NRXN3: variants seen among roughly 807,000 people sequenced by gnomAD.
The protein encoded by NRXN3 is neurexin III.
NRXN3 carries 32 observed loss-of-function variants against 137.6 expected under a neutral mutation model. The ratio of observed to expected loss-of-function variants is 0.23; its 90% CI spans 0.18 to 0.31. NRXN3 has a LOEUF of 0.31. Among genes scored for constraint, NRXN3 ranks in the 10% least tolerant of loss-of-function variants. The pLI is 1.00. For missense variants in NRXN3, 1,574 were observed against 2,062.5 expected (o/e 0.76, Z 4.59); for synonymous variants, 798 against 784.5 (o/e 1.02, Z -0.29).
rs375665745 is a variant in NRXN3, at chr14:79,769,672, C to A, written c.4015-35440C>A. On this transcript the variant is annotated intron_variant, in intron 19 of 20. Coordinates refer to ENST00000335750, the MANE Select transcript of NRXN3 (RefSeq NM_001330195.2). ...CGATACCAGCCGCTGCAAAATCATG[C>A]CAAAAGGTAAAGACCATCGAGACTA... 1.1e-3 allele frequency among the ~76,000 whole-genome samples: 166 copies of A among 151,976 alleles called. 6 individuals carry two copies. The South Asian group carries it at 0.034, about 31-fold the overall frequency.
intron 16 of NRXN3, among the ~76,000 whole-genome samples, chr14:79,582,237 G>A (rs2097723269): frequency 6.6e-6 from 1 of 151,110 alleles, no homozygotes; most frequent in Non-Finnish European, 1.5e-5. Context: ...GAGCAACCAT[G>A]CCCAGCTGAG....
intron 10 of NRXN3, among the ~76,000 whole-genome samples, chr14:78,955,534 T>C (rs1288357623): frequency 6.6e-6 from 1 of 152,236 alleles, no homozygotes; most frequent in Non-Finnish European, 1.5e-5. Flanking sequence ...ATTGCTCTCA[T>C]GGCATCACTA....
chr14:79,375,436 T>C (rs1240331101), intron 15 of NRXN3, among the ~76,000 whole-genome samples: 1 of 152,008 alleles, frequency 6.6e-6, no homozygotes, highest in African/African-American at 2.4e-5. Context: ...TCTGGGGCAC[T>C]CCTGCTGAAG....
chr14:78,959,150 G>GGT (rs3838665), intron 11 of NRXN3, among the ~76,000 whole-genome samples: 216 of 152,054 alleles, frequency 1.4e-3, no homozygotes, highest in Non-Finnish European at 2.0e-3. Flanking sequence ...TGCATGTACA[G>GGT]GTGTGTGTGT....
chr14:78,506,945 T>C (rs1186924438), intron 4 of NRXN3, among the ~76,000 whole-genome samples: 2 of 152,218 alleles, frequency 1.3e-5, no homozygotes, highest in African/African-American at 4.8e-5. Context: ...TTCACCTCCT[T>C]TGCCCATTTC....
chr14:79,347,261 TTAAA>T (rs2153379893), intron 15 of NRXN3, among the ~76,000 whole-genome samples: 1 of 152,210 alleles, frequency 6.6e-6, no homozygotes, highest in East Asian at 1.9e-4. Flanking sequence ...TTTTTAAAAA[TTAAA>T]TAAAAACTAG....
Position 79,861,148 on chromosome 14 carries a change from C to T in NRXN3, c.4094-194C>T. ...CCCCTACCTTTCGCCCCCTCCTCAC[C>T]ATTATTGAGACCACCAAAGATTCCC... On this transcript the variant is annotated intron_variant, in intron 20 of 20. Coordinates refer to ENST00000335750, the MANE Select transcript of NRXN3 (RefSeq NM_001330195.2). The surrounding 1 kb of genome is among the most constrained non-coding windows in gnomAD (Gnocchi z 5.4). 1 of 1,514,256 alleles carries T rather than the reference C, an allele frequency of 6.6e-7. No homozygotes were observed. The highest frequency in any genetic ancestry group is 8.8e-7 in the Non-Finnish European group (1 of 1,136,562). The allele number at this position is 1,514,256 out of a possible 1,614,324, so 93.8% of individuals were successfully genotyped here. A position where few individuals can be genotyped will look rare whatever the true frequency, so the allele number is the denominator to read the frequency against.
At chr14:78,282,682 C>G (rs66555338) in intron 3 of NRXN3, among the ~76,000 whole-genome samples, 2 of 152,182 alleles carry the variant, frequency 1.3e-5, no homozygotes, top group African/African-American at 4.8e-5. Flanking sequence ...TTCCCCTACC[C>G]GCTCTTGATC....
chr14:78,717,899 A>G (rs923389190), intron 8 of NRXN3, among the ~76,000 whole-genome samples: 1 of 152,214 alleles, frequency 6.6e-6, no homozygotes, highest in Non-Finnish European at 1.5e-5. Context: ...TAGGACAAAC[A>G]GGCAAGAATG....
intron 4 of NRXN3, among the ~76,000 whole-genome samples, chr14:78,305,843 G>GT (rs2077319406): frequency 6.6e-6 from 1 of 152,002 alleles, no homozygotes; most frequent in African/African-American, 2.4e-5. Flanking sequence ...AAATCGCTTT[G>GT]TTTTTTCAAG....
At chr14:78,784,064 G>GAAAAAAAAAAAAAAAAAAAAAACAA (rs11288913) in intron 8 of NRXN3, among the ~76,000 whole-genome samples, 1 of 98,306 alleles carries the variant, frequency 1.0e-5, no homozygotes. Flanking sequence ...TAACACATGA[G>GAAAAAAAAAAAAAAAAAAAAAACAA]AAAAAAAAAA....
intron 9 of NRXN3, among the ~76,000 whole-genome samples, chr14:78,809,967 A>AT (rs1409621203): frequency 6.6e-6 from 1 of 152,030 alleles, no homozygotes; most frequent in Admixed American, 6.6e-5. Flanking sequence ...GTTTGACAAA[A>AT]TTAATATTTC....
At chr14:78,334,008 T>C (rs2081158022) in intron 4 of NRXN3, among the ~76,000 whole-genome samples, 1 of 151,996 alleles carries the variant, frequency 6.6e-6, no homozygotes, top group Non-Finnish European at 1.5e-5. Flanking sequence ...TGCTGCTGGA[T>C]TGAATATGGG....
chr14:78,367,628 C>T (rs964232275), intron 4 of NRXN3, among the ~76,000 whole-genome samples: 1 of 152,176 alleles, frequency 6.6e-6, no homozygotes, highest in African/African-American at 2.4e-5. Flanking sequence ...ATTTTGTTCC[C>T]TTGGAATCAA....
chr14:78,841,182 A>T lies in NRXN3; in HGVS notation c.2275+30838A>T, dbSNP rs200450672. ...GTTTTGATCGAGCTGAGAAGAACAG[A>T]CTAGAGTCACTTCTGACCTGGCCAC... On this transcript the variant is annotated intron_variant, in intron 10 of 20. Coordinates refer to ENST00000335750, the MANE Select transcript of NRXN3 (RefSeq NM_001330195.2). 2.6e-5 allele frequency among the ~76,000 whole-genome samples: 4 copies of T among 152,268 alleles called. No individual in the cohort carries two copies. In the East Asian group the frequency reaches 7.7e-4, roughly 29 times the overall value.
intron 15 of NRXN3, among the ~76,000 whole-genome samples, chr14:79,300,638 A>G (rs1274170095): frequency 1.3e-5 from 2 of 152,062 alleles, no homozygotes; most frequent in Non-Finnish European, 2.9e-5. Context: ...CCAGAGAGGT[A>G]TATAACAGGA....
intron 16 of NRXN3, among the ~76,000 whole-genome samples, chr14:79,649,042 G>A (rs1381629060): frequency 6.6e-6 from 1 of 152,242 alleles, no homozygotes; most frequent in African/African-American, 2.4e-5. Context: ...TTTCAAGTAA[G>A]GCCTGGTCGA....
chr14:79,853,897 T>C (rs1458821308), intron 20 of NRXN3: 2 of 992,094 alleles, frequency 2.0e-6, no homozygotes, highest in African/African-American at 3.5e-5. Flanking sequence ...TTTTCAATCA[T>C]AGCAATCGGA....
chr14:78,320,253 C>A (rs148715430), intron 4 of NRXN3, among the ~76,000 whole-genome samples: 7 of 152,118 alleles, frequency 4.6e-5, no homozygotes, highest in African/African-American at 1.2e-4. Context: ...GTTTCTTCAC[C>A]GGGATTTTCG....
Sources: gnomAD v4.1 joint callset for allele counts (sites outside exome capture counted in the v4.1 genomes callset) on GRCh38, gnomAD v4.1.1 for gene constraint, Gnocchi (gnomAD v3.1) non-coding constraint, MANE v1.5 for transcripts, NCBI Gene and HGNC (gene_info 2026-07-23, HGNC 2026-07-21) for gene names.